MYT1L: variants seen among roughly 807,000 people sequenced by gnomAD.
MYT1L encodes myelin transcription factor 1-like protein.
In MYT1L, 12 loss-of-function variants were observed where a neutral mutation model predicts 126.7. That is an observed-to-expected ratio of 0.09 (90% confidence interval 0.06 to 0.15). MYT1L has a LOEUF of 0.15. Among genes scored for constraint, MYT1L ranks in the 10% least tolerant of loss-of-function variants. The pLI is 1.00. For missense variants in MYT1L, 979 were observed against 1,585.2 expected, an observed-to-expected ratio of 0.62 and a Z score of 6.49; for synonymous variants, 541 against 604.2, an observed-to-expected ratio of 0.90 and a Z score of 1.53.
At chr2:2,184,877 G>A (rs1382373619) in intron 2 of MYT1L, among the ~76,000 whole-genome samples, 1 of 152,244 alleles carries the variant, frequency 6.6e-6, no homozygotes, top group Non-Finnish European at 1.5e-5. Flanking sequence ...CGCCAAGAGA[G>A]GCCGCAGCTC....
chr2:2,221,680 T>C (rs2148988884), intron 2 of MYT1L, among the ~76,000 whole-genome samples: 1 of 152,286 alleles, frequency 6.6e-6, no homozygotes, highest in African/African-American at 2.4e-5. Context: ...ACTGGGCTTT[T>C]GAAGTCCAAG....
chr2:2,244,591 TGCACCAGCTCA>T (rs2094497700), intron 2 of MYT1L, among the ~76,000 whole-genome samples: 1 of 152,140 alleles, frequency 6.6e-6, no homozygotes. Flanking sequence ...AAGAGAAGCT[TGCACCAGCTCA>T]GCATAAGCTG....
In MYT1L at chr2:1,841,048, C is replaced by T. The variant is rs181852309; in HGVS notation, c.2775-205G>A. 0.015 allele frequency: 7,602 copies of T among 494,284 alleles called. 489 individuals are homozygous for T. The highest frequency in any genetic ancestry group is 0.14 in the African/African-American group (6,725 of 49,072). The allele number at this position is 494,284 out of a possible 1,614,324, so 30.6% of individuals were successfully genotyped here. On this transcript the variant is annotated intron_variant, in intron 19 of 24. Coordinates refer to ENST00000647738, the MANE Select transcript of MYT1L (RefSeq NM_001303052.2). ...CCTCCCAAGTAGCTGGGACTACAGG[C>T]GGCCACCACCACGCCTGGCTAATTT...
intron 18 of MYT1L, among the ~76,000 whole-genome samples, chr2:1,865,944 A>T (rs1004885649): frequency 6.6e-6 from 1 of 152,180 alleles, no homozygotes; most frequent in African/African-American, 2.4e-5. Context: ...GCATTCAGGA[A>T]TTTGCCCATG....
intron 2 of MYT1L, among the ~76,000 whole-genome samples, chr2:2,283,487 A>G (rs1272385255): frequency 6.6e-6 from 1 of 152,220 alleles, no homozygotes; most frequent in East Asian, 1.9e-4. Flanking sequence ...TTTTTGAACC[A>G]TTAAAAATTA....
chr2:1,935,810 C>T (rs185728109), intron 9 of MYT1L, among the ~76,000 whole-genome samples: 1 of 152,172 alleles, frequency 6.6e-6, no homozygotes, highest in Non-Finnish European at 1.5e-5. Context: ...TTAGAGTGGA[C>T]TTTATAAGCA....
intron 13 of MYT1L, among the ~76,000 whole-genome samples, chr2:1,909,040 A>G (rs946222811): frequency 6.6e-6 from 1 of 152,232 alleles, no homozygotes; most frequent in Non-Finnish European, 1.5e-5. Context: ...GATGTTATGA[A>G]ATAATACTCA....
intron 22 of MYT1L, among the ~76,000 whole-genome samples, chr2:1,807,766 G>A (rs2035945221): frequency 6.6e-6 from 1 of 152,090 alleles, no homozygotes; most frequent in South Asian, 2.1e-4. Context: ...TGGAAACAAA[G>A]GGCCAAGCTC....
At chr2:2,159,804 T>C (rs1490657093) in intron 3 of MYT1L, among the ~76,000 whole-genome samples, 1 of 152,042 alleles carries the variant, frequency 6.6e-6, no homozygotes, top group Non-Finnish European at 1.5e-5. Flanking sequence ...TACCTTTGCA[T>C]TAAATTGTTG....
At chr2:2,146,390 G>A (rs1343295455) in intron 3 of MYT1L, among the ~76,000 whole-genome samples, 1 of 152,112 alleles carries the variant, frequency 6.6e-6, no homozygotes, top group Non-Finnish European at 1.5e-5. Context: ...GTGTGGCCGG[G>A]CAGAGCACCT....
intron 8 of MYT1L, among the ~76,000 whole-genome samples, chr2:1,977,346 C>T (rs762101852): frequency 1.3e-5 from 2 of 152,174 alleles, no homozygotes; most frequent in Non-Finnish European, 2.9e-5. Flanking sequence ...CAGATCCACA[C>T]ACACATTACA....
chr2:2,236,411 TCCCAACCCAGCCCAGTACAA>T, intron 2 of MYT1L, among the ~76,000 whole-genome samples: 1 of 112,796 alleles, frequency 8.9e-6, no homozygotes, highest in Non-Finnish European at 1.7e-5. Context: ...ACCCAGTACA[TCCCAACCCAGCCCAGTACAA>T]CCCAACCCAG....
intron 8 of MYT1L, among the ~76,000 whole-genome samples, chr2:1,955,502 A>T (rs1052654236): frequency 3.9e-5 from 6 of 152,344 alleles, no homozygotes; most frequent in South Asian, 2.1e-4. Context: ...TAGAGAGATC[A>T]TTAAGCTTAT....
intron 22 of MYT1L, among the ~76,000 whole-genome samples, chr2:1,807,335 T>G (rs1009622283): frequency 1.3e-5 from 2 of 152,176 alleles, no homozygotes; most frequent in Non-Finnish European, 2.9e-5. Flanking sequence ...AACAGTCAGA[T>G]GAGAGGAGAC....
In MYT1L at chr2:2,224,673, G is replaced by C. The variant is rs1184148410; in HGVS notation, c.-420-51685C>G. 1.3e-5 allele frequency among the ~76,000 whole-genome samples: 2 copies of C among 152,070 alleles called. No individual in the cohort carries two copies. Among genetic ancestry groups the C allele is most frequent in the African/African-American group, 4.8e-5 (2 of 41,440 alleles). Reference sequence around the variant, plus strand: ...TCTCTACTAAAAATACAAAAAATTAGCCAGGTGTGGTGGCGGGCACCTGTA... The same window carrying C: ...TCTCTACTAAAAATACAAAAAATTACCCAGGTGTGGTGGCGGGCACCTGTA... On this transcript the variant is annotated intron_variant, in intron 2 of 24. Coordinates refer to ENST00000647738, the MANE Select transcript of MYT1L (RefSeq NM_001303052.2). The surrounding 1 kb of genome is among the most constrained non-coding windows in gnomAD (Gnocchi z 4.0).
At chr2:2,308,969 T>C (rs1266419477) in intron 1 of MYT1L, among the ~76,000 whole-genome samples, 2 of 148,026 alleles carry the variant, frequency 1.4e-5, no homozygotes, top group Non-Finnish European at 3.0e-5. Context: ...CTACACTTTA[T>C]TATATTCTAC....
chr2:2,270,889 G>A (rs975353790), intron 2 of MYT1L, among the ~76,000 whole-genome samples: 2 of 151,546 alleles, frequency 1.3e-5, no homozygotes, highest in South Asian at 2.1e-4. Context: ...TTTAAAAATC[G>A]GCTGACGCTG....
chr2:1,934,681 TTCTC>T (rs1266420112), intron 9 of MYT1L, among the ~76,000 whole-genome samples: 1 of 143,158 alleles, frequency 7.0e-6, no homozygotes, highest in Non-Finnish European at 1.5e-5. Flanking sequence ...GTCTGTCTCA[TTCTC>T]TCTTTCTCTC....
chr2:2,328,651 A>G (rs1177148046), intron 1 of MYT1L, among the ~76,000 whole-genome samples: 3 of 152,236 alleles, frequency 2.0e-5, no homozygotes, highest in Non-Finnish European at 4.4e-5. Flanking sequence ...CTGTGACACC[A>G]GATAGTCCTG....
Sources: gnomAD v4.1 joint callset for allele counts (sites outside exome capture counted in the v4.1 genomes callset) on GRCh38, gnomAD v4.1.1 for gene constraint, Gnocchi (gnomAD v3.1) non-coding constraint, MANE v1.5 for transcripts, NCBI Gene and HGNC (gene_info 2026-07-23, HGNC 2026-07-21) for gene names.